JAZF1: variants seen among roughly 807,000 people sequenced by gnomAD.
The protein encoded by JAZF1 is JAZF zinc finger 1.
JAZF1 carries 8 observed loss-of-function variants against 26.4 expected under a neutral mutation model. The observed-to-expected ratio is 0.30, with a 90% CI of 0.18 to 0.55. JAZF1 has a LOEUF of 0.55. Among genes scored for constraint, JAZF1 ranks in the 20% least tolerant of loss-of-function variants. The probability of loss-of-function intolerance (pLI) is 0.94; values close to 1 mark genes in which losing one functional copy is unlikely to be tolerated. For synonymous variants in JAZF1, 126 were observed against 122.3 expected (o/e 1.03, Z -0.20); for missense variants, 199 against 322.0 (o/e 0.62, Z 2.92).
intron 3 of JAZF1, among the ~76,000 whole-genome samples, chr7:27,850,759 C>T (rs1783130314): frequency 6.6e-6 from 1 of 151,842 alleles, no homozygotes; most frequent in Non-Finnish European, 1.5e-5. Flanking sequence ...CTCATCATGA[C>T]CTTTTTCTTT....
chr7:28,087,057 G>A (rs112275428), intron 1 of JAZF1, among the ~76,000 whole-genome samples: 1 of 151,998 alleles, frequency 6.6e-6, no homozygotes, highest in African/African-American at 2.4e-5. Flanking sequence ...CATTTTTAAC[G>A]TTATAAACAA....
At chr7:28,089,115 G>A (rs1329568619) in intron 1 of JAZF1, among the ~76,000 whole-genome samples, 4 of 152,160 alleles carry the variant, frequency 2.6e-5, no homozygotes, top group South Asian at 2.1e-4. Flanking sequence ...GAAACAGAAA[G>A]CAAAACAATA....
chr7:28,057,139 G>T (rs1433430415), intron 1 of JAZF1, among the ~76,000 whole-genome samples: 4 of 152,240 alleles, frequency 2.6e-5, no homozygotes, highest in Middle Eastern at 3.4e-3. Context: ...ATTAAAGAGG[G>T]TTTACCTGAT....
In JAZF1 at chr7:28,022,755, T is replaced by C. The variant is rs563533054; in HGVS notation, c.116-30774A>G. Among the ~76,000 whole-genome samples, 3 of 152,278 alleles carry C rather than the reference T, an allele frequency of 2.0e-5. No individual in the cohort carries two copies. In the East Asian group the frequency reaches 5.8e-4, roughly 29 times the overall value. On this transcript the variant is annotated intron_variant, in intron 1 of 4. Coordinates refer to ENST00000283928, the MANE Select transcript of JAZF1 (RefSeq NM_175061.4). Reference sequence around the variant, plus strand: ...CTTTAATATTTCACTGTTGTTGTTGTTTTTGTTGTTGTTTGTTTGTTTTGA... The same window carrying C: ...CTTTAATATTTCACTGTTGTTGTTGCTTTTGTTGTTGTTTGTTTGTTTTGA...
chr7:28,077,355 G>A (rs967627264), intron 1 of JAZF1, among the ~76,000 whole-genome samples: 1 of 151,936 alleles, frequency 6.6e-6, no homozygotes, highest in African/African-American at 2.4e-5. Flanking sequence ...ACATTAATCC[G>A]CCAGACTATA....
rs184529424 is a variant in JAZF1 at position 28,007,740 on chromosome 7, C to T, written c.116-15759G>A. ...ATACAGGTCTGAGACATGCCTCTTT[C>T]CCTTTTTTAAAAAGACTTAAAAATT... On this transcript the variant is annotated intron_variant, in intron 1 of 4. Transcript: ENST00000283928. Among the ~76,000 whole-genome samples the T allele has an allele frequency of 2.4e-3, 367 of 152,208 alleles. 2 individuals are homozygous for T. Among genetic ancestry groups the T allele is most frequent in the African/African-American group, 8.6e-3 (355 of 41,510 alleles).
chr7:28,106,577 G>A (rs993829698), intron 1 of JAZF1, among the ~76,000 whole-genome samples: 1 of 152,148 alleles, frequency 6.6e-6, no homozygotes, highest in African/African-American at 2.4e-5. Context: ...GGCCTTTCTT[G>A]CTATGGGGAT....
intron 2 of JAZF1, among the ~76,000 whole-genome samples, chr7:27,973,473 T>A (rs1186791817): frequency 6.6e-6 from 1 of 152,050 alleles, no homozygotes; most frequent in African/African-American, 2.4e-5. Flanking sequence ...AATTTAAAAA[T>A]TTTTTTGAAG....
chr7:27,866,734 G>A lies in JAZF1; in HGVS notation c.386-25867C>T, dbSNP rs148374521. On this transcript the variant is annotated intron_variant, in intron 3 of 4. Transcript: ENST00000283928. The stretch of plus-strand genomic sequence containing the variant: ...ATGTCTAAAATGTAGTTTACATTTC[G>A]AACACACTCGATTACCATACTGCTT... Among the ~76,000 whole-genome samples the A allele has an allele frequency of 1.1e-4, 17 of 152,284 alleles. No homozygotes were observed. The East Asian group carries it at 2.9e-3, about 26-fold the overall frequency.
rs143741791 is a variant in JAZF1 at position 27,889,670 on chromosome 7, G to A, written c.385+5550C>T. Among the ~76,000 whole-genome samples the A allele has an allele frequency of 7.4e-3, 1,123 of 152,252 alleles. 11 individuals carry two copies. Among genetic ancestry groups the A allele is most frequent in the African/African-American group, 0.026 (1,062 of 41,538 alleles). Reference sequence around the variant, plus strand: ...TCATGGGCCAGGTGCGGTGGCTCACGCCTGTAATCCCAGCACCTTGGGAGG... The same window carrying A: ...TCATGGGCCAGGTGCGGTGGCTCACACCTGTAATCCCAGCACCTTGGGAGG... On this transcript the variant is annotated intron_variant, in intron 3 of 4. Coordinates refer to ENST00000283928, the MANE Select transcript of JAZF1 (RefSeq NM_175061.4).
At chr7:28,053,515 A>C (rs1444209426) in intron 1 of JAZF1, among the ~76,000 whole-genome samples, 1 of 152,238 alleles carries the variant, frequency 6.6e-6, no homozygotes, top group Admixed American at 6.5e-5. Context: ...AATTACACAG[A>C]TAGGAGGAAG....
At chr7:27,940,481 A>G (rs934782929) in intron 2 of JAZF1, among the ~76,000 whole-genome samples, 2 of 152,200 alleles carry the variant, frequency 1.3e-5, no homozygotes, top group Admixed American at 6.5e-5. Context: ...ATGCCGTCTC[A>G]GCAGTCAGCC....
chr7:27,838,133 G>A (rs1782853136), intron 4 of JAZF1, among the ~76,000 whole-genome samples: 1 of 151,596 alleles, frequency 6.6e-6, no homozygotes, highest in Admixed American at 6.6e-5. Context: ...TATAAGCTAT[G>A]AGAACTGCCC....
At chr7:27,850,212 T>G (rs1174132970) in intron 3 of JAZF1, among the ~76,000 whole-genome samples, 1 of 152,210 alleles carries the variant, frequency 6.6e-6, no homozygotes, top group East Asian at 1.9e-4. Context: ...TAAATTAGCT[T>G]TAATTGGTAC....
intron 1 of JAZF1, among the ~76,000 whole-genome samples, chr7:28,089,931 A>T (rs2127920972): frequency 6.6e-6 from 1 of 152,312 alleles, no homozygotes. Flanking sequence ...AGATGAGAGA[A>T]ATTGAGATGT....
intron 1 of JAZF1, among the ~76,000 whole-genome samples, chr7:28,122,161 T>C (rs1347834679): frequency 6.6e-6 from 1 of 152,210 alleles, no homozygotes; most frequent in Non-Finnish European, 1.5e-5. Context: ...TTTTAGTTTC[T>C]TGGGGGAAAG....
intron 3 of JAZF1, among the ~76,000 whole-genome samples, chr7:27,869,217 G>A (rs1427231668): frequency 2.0e-5 from 3 of 152,192 alleles, no homozygotes; most frequent in Non-Finnish European, 4.4e-5. Flanking sequence ...AACAGGAACA[G>A]TCATGGCCTA....
chr7:28,134,829 TTGTATTA>T (rs1302892618), intron 1 of JAZF1, among the ~76,000 whole-genome samples: 4 of 152,216 alleles, frequency 2.6e-5, no homozygotes, highest in South Asian at 2.1e-4. Flanking sequence ...ATCTTCTATT[TTGTATTA>T]AGGCTTTATG....
At chr7:27,965,639 C>T (rs1342192238) in intron 2 of JAZF1, among the ~76,000 whole-genome samples, 2 of 152,122 alleles carry the variant, frequency 1.3e-5, no homozygotes, top group Non-Finnish European at 2.9e-5. Context: ...TTGATCTTTA[C>T]TTGTGACAAT....
Sources: allele counts gnomAD v4.1 joint callset (sites outside exome capture counted in the v4.1 genomes callset), GRCh38; gene constraint gnomAD v4.1.1; transcripts MANE v1.5; gene names NCBI Gene and HGNC (gene_info 2026-07-23, HGNC 2026-07-21).